PRAMEF14: variants seen among roughly 807,000 people sequenced by gnomAD.
PRAMEF14 encodes the protein PRAME family member 14.
Under a neutral mutation model 38.3 loss-of-function variants are expected in PRAMEF14, and 24 were observed. The observed-to-expected ratio is 0.63, with a 90% CI of 0.45 to 0.88. The LOEUF (loss-of-function observed/expected upper bound fraction) is 0.88, where lower values mean the gene tolerates loss of function less well. Among genes scored for constraint, PRAMEF14 ranks in the 40% least tolerant of loss-of-function variants. The probability of loss-of-function intolerance (pLI) is 0.00; values close to 1 mark genes in which losing one functional copy is unlikely to be tolerated. For synonymous variants in PRAMEF14, 194 were observed against 226.4 expected (o/e 0.86, Z 1.29); for missense variants, 477 against 570.8 (o/e 0.84, Z 1.67).
In PRAMEF14 at chr1:13,342,322, T is replaced by C. The variant is rs1553186758; in HGVS notation, c.*206A>G. 3 of 967,180 alleles carry C rather than the reference T, an allele frequency of 3.1e-6. No homozygotes were observed. The highest frequency in any genetic ancestry group is 2.9e-6 in the Non-Finnish European group (2 of 679,050). The allele number at this position is 967,180 out of a possible 1,614,324, so 59.9% of individuals were successfully genotyped here. A position where few individuals can be genotyped will look rare whatever the true frequency, so the allele number is the denominator to read the frequency against. ...ACTTTAGGAAGCTGAGGCAGGAGGA[T>C]CCCATAAGCCCAGCTGAGGCAGGAG... On this transcript the variant is annotated 3_prime_UTR_variant, in exon 4 of 4. Coordinates refer to ENST00000334600, the MANE Select transcript of PRAMEF14 (RefSeq NM_001024661.2).
chr1:13,343,224 C>G (rs1298700797), intron 3 of PRAMEF14, 138 bp from the exon 4 acceptor site: 2 of 677,240 alleles, frequency 3.0e-6, no homozygotes, highest in Non-Finnish European at 2.5e-6. Flanking sequence ...GAAGTTGCTG[C>G]ATGATGAGGA....
rs1360928027 is a variant in PRAMEF14 at position 13,342,236 on chromosome 1, C to G, written c.*292G>C. The G allele has an allele frequency of 1.4e-5, 7 of 494,760 alleles. No homozygotes were observed. The highest frequency in any genetic ancestry group is 1.0e-5 in the Non-Finnish European group (3 of 289,266). 30.6% of individuals were successfully genotyped at this position (494,760 alleles called of 1,614,324 possible). A position where few individuals can be genotyped will look rare whatever the true frequency, so the allele number is the denominator to read the frequency against. On this transcript the variant is annotated 3_prime_UTR_variant, in exon 4 of 4. Transcript: ENST00000334600. The stretch of plus-strand genomic sequence containing the variant: ...TTTTTTCCCTCACACTGAGCACTTC[C>G]CTGTGCTTCCTTTAAGTTGCATGTG...
At position 13,346,846 on chromosome 1, in the gene PRAMEF14, A is replaced by G. The variant is rs1640410592; in HGVS notation, c.-26+211T>C. Among the ~76,000 whole-genome samples, 3 of 150,640 alleles carry G rather than the reference A, an allele frequency of 2.0e-5. No individual in the cohort carries two copies. The South Asian group carries it at 6.4e-4, about 32-fold the overall frequency. On this transcript the variant is annotated intron_variant, in intron 1 of 3. Coordinates refer to ENST00000334600, the MANE Select transcript of PRAMEF14 (RefSeq NM_001024661.2). ...ATATATTTTTAAAAAACCTGCTTCG[A>G]TAAGAATTTTAAAATGACAAAAACT... is the stretch of plus-strand genomic sequence containing the variant.
Position 13,342,721 on chromosome 1 carries a change from G to A in PRAMEF14, c.1232C>T (p.Thr411Met), listed in dbSNP as rs771089877. 16 of 1,605,186 alleles carry A rather than the reference G, an allele frequency of 1.0e-5. 2 individuals carry two copies. Among genetic ancestry groups the A allele is most frequent in the East Asian group, 4.8e-5 (2 of 41,760 alleles). Reference sequence around the variant, plus strand: ...CAAACTCTCCTCAGGGGCAGGATACGTCTCCAGGCTTAACTTGCTCAGCCC... The same window carrying A: ...CAAACTCTCCTCAGGGGCAGGATACATCTCCAGGCTTAACTTGCTCAGCCC... ...TSGLSKLSLETYPAPEESLNS... is the reference protein window; with the variant it reads ...TSGLSKLSLEMYPAPEESLNS... Residue 411 changes from threonine (T) to methionine (M), a missense_variant, in exon 4 of 4, where the codon ACG (threonine) becomes ATG (methionine). Coordinates refer to ENST00000334600, the MANE Select transcript of PRAMEF14 (RefSeq NM_001024661.2).
Position 13,344,211 on chromosome 1 carries a change from C to T in PRAMEF14, c.693G>A (p.Met231Ile), listed in dbSNP as rs1640370265. The change falls in exon 3 of 4, where the codon ATG (methionine) becomes ATA (isoleucine). Residue 231 changes from methionine to isoleucine, a missense_variant. By Grantham distance (10) the Met-to-Ile change is conservative (BLOSUM62 1). Around this residue, in one of 4 missense-constraint regions of PRAMEF14, gnomAD observed 234 missense variants for 247.4 expected, o/e 0.95. Transcript: ENST00000334600. The stretch of plus-strand genomic sequence containing the variant: ...AGAAAACGAGTTTGCGAAGATTCTT[C>T]ATCTCCTTCAGGTAACAACGAAGCT... ...IRKLRCYLKEMKNLRKLVFSR... is the reference protein window; with the variant it reads ...IRKLRCYLKEIKNLRKLVFSR... The T allele has an allele frequency of 6.2e-7, 1 of 1,608,658 alleles. No individual in the cohort carries two copies. Among genetic ancestry groups the T allele is most frequent in the Non-Finnish European group, 8.5e-7 (1 of 1,178,694 alleles).
chr1:13,342,758 A>G lies in PRAMEF14; in HGVS notation c.1195T>C (p.Cys399Arg), dbSNP rs3125075. ...AACTTGCTCAGCCCACTGGTGTGGC[A>G]CAACAGGTCCTTCAGGGCACCCATA... ...MSMGALKDLL[C>R]HTSGLSKLSL... The change falls in exon 4 of 4, where the codon TGC becomes CGC. Residue 399 changes from cysteine (C) to arginine (R), a missense_variant. Coordinates refer to ENST00000334600, the MANE Select transcript of PRAMEF14 (RefSeq NM_001024661.2). The G allele has an allele frequency of 0.011, 17,712 of 1,603,188 alleles. 1,713 individuals are homozygous for G. The African/African-American group carries it at 0.15, about 13-fold the overall frequency.
chr1:13,345,348 C>A lies in PRAMEF14; in HGVS notation c.-25-9G>T, dbSNP rs1640388108. ...ATCTGCAAGAAAAATCTCTAGAAGA[C>A]AAATCCAGGGAAAATGTATCACTCT... On this transcript the variant is annotated splice_polypyrimidine_tract_variant and intron_variant, in intron 1 of 3. Coordinates refer to ENST00000334600, the MANE Select transcript of PRAMEF14 (RefSeq NM_001024661.2). 48 of 1,602,394 alleles carry A rather than the reference C, an allele frequency of 3.0e-5. 2 individuals carry two copies. The highest frequency in any genetic ancestry group is 2.3e-4 in the Middle Eastern group (1 of 4,414).
rs1557453966 is a variant in PRAMEF14 at position 13,342,872 on chromosome 1, T to A, written c.1081A>T (p.Ile361Phe). ...ATGGCACTGAGTTGGGAGTAGTGGA[T>A]CTGACAGCCCTCCAAGATGAGGGTT... ...LETLILEGCQ[I>F]HYSQLSAILP... The change falls in exon 4 of 4, where the codon ATC becomes TTC. Residue 361 changes from isoleucine (I) to phenylalanine (F), a missense_variant. Physicochemically the swap from Ile to Phe is conservative, Grantham distance 21 (BLOSUM62 0). Coordinates refer to ENST00000334600, the MANE Select transcript of PRAMEF14 (RefSeq NM_001024661.2). The A allele has an allele frequency of 1.2e-6, 2 of 1,609,128 alleles. No individual in the cohort carries two copies. The highest frequency in any genetic ancestry group is 1.7e-6 in the Non-Finnish European group (2 of 1,179,192).
rs1420572641 is a variant in PRAMEF14, at chr1:13,345,432, A to T, written c.-25-93T>A. 5 of 1,390,756 alleles carry T rather than the reference A, an allele frequency of 3.6e-6. No homozygotes were observed. In the African/African-American group the frequency reaches 7.2e-5, roughly 20 times the overall value. 86.2% of individuals were successfully genotyped at this position (1,390,756 alleles called of 1,614,324 possible). On this transcript the variant is annotated intron_variant, in intron 1 of 3. Transcript: ENST00000334600. ...CCAGGAAGAATGTCTTCCAAACACC[A>T]AGGAGGGAGGGGTCAAGGAGACCAC...
At position 13,344,662 on chromosome 1, in the gene PRAMEF14, C is replaced by T. The variant is rs1352151043; in HGVS notation, c.288-46G>A. On this transcript the variant is annotated intron_variant, in intron 2 of 3. Coordinates refer to ENST00000334600, the MANE Select transcript of PRAMEF14 (RefSeq NM_001024661.2). Reference sequence around the variant, plus strand: ...AGACTCAGAATTTAGAAGGACTCATCCCTGACCTTTGCTTTCATTCTCATC... The same window carrying T: ...AGACTCAGAATTTAGAAGGACTCATTCCTGACCTTTGCTTTCATTCTCATC... 4.4e-6 allele frequency: 7 copies of T among 1,602,706 alleles called. No homozygotes were observed. In the African/African-American group the frequency reaches 6.7e-5, roughly 15 times the overall value.
chr1:13,343,745 A>T lies in PRAMEF14; in HGVS notation c.866+293T>A. On this transcript the variant is annotated intron_variant, in intron 3 of 3. Coordinates refer to ENST00000334600, the MANE Select transcript of PRAMEF14 (RefSeq NM_001024661.2). ...ATATCAACTTGAAACACACTTTGTAACAGGAAATTCACACGTGCACCCCCA... is the reference window on the plus strand; with the variant it reads ...ATATCAACTTGAAACACACTTTGTATCAGGAAATTCACACGTGCACCCCCA... 27 of 1,336,988 alleles carry T rather than the reference A, an allele frequency of 2.0e-5. 1 individual carries two copies. Among genetic ancestry groups the T allele is most frequent in the Non-Finnish European group, 2.6e-5 (26 of 1,012,882 alleles). 82.8% of individuals were successfully genotyped at this position (1,336,988 alleles called of 1,614,324 possible).
chr1:13,345,568 CT>C (rs1640391905), intron 1 of PRAMEF14, among the ~76,000 whole-genome samples: 1 of 150,880 alleles, frequency 6.6e-6, no homozygotes, highest in African/African-American at 2.4e-5. Context: ...TTTCTTGTCA[CT>C]TACCACCCTA....
intron 3 of PRAMEF14, chr1:13,343,647 T>C: frequency 5.3e-6 from 7 of 1,330,340 alleles, no homozygotes; most frequent in South Asian, 5.0e-5. Context: ...AGGACAGACG[T>C]TCTATTGTGA....
chr1:13,344,776 G>A, intron 2 of PRAMEF14, 160 bp from the exon 3 acceptor site: 1 of 855,428 alleles, frequency 1.2e-6, no homozygotes, highest in Non-Finnish European at 1.4e-6. Flanking sequence ...TTTTGATTCT[G>A]ACTTTTGATT....
intron 1 of PRAMEF14, 122 bp from the exon 2 acceptor site, chr1:13,345,461 C>T (rs1640389489): frequency 7.6e-6 from 10 of 1,321,834 alleles, no homozygotes; most frequent in East Asian, 2.6e-5. Context: ...AGACCACTGG[C>T]TTATTAATTT....
rs1309341233 is a variant in PRAMEF14 at position 13,343,125 on chromosome 1, A to G, written c.867-39T>C. On this transcript the variant is annotated intron_variant, in intron 3 of 3. Coordinates refer to ENST00000334600, the MANE Select transcript of PRAMEF14 (RefSeq NM_001024661.2). ...GAAGTTAGTTCTGGGCAATGGTACC[A>G]GTTAGATGAAGGTAGTGCCTTCATC... is the stretch of plus-strand genomic sequence containing the variant. 85 of 1,591,166 alleles carry G rather than the reference A, an allele frequency of 5.3e-5. 6 individuals are homozygous for G. The East Asian group carries it at 1.8e-3, about 34-fold the overall frequency.
intron 1 of PRAMEF14, among the ~76,000 whole-genome samples, chr1:13,346,324 A>G (rs1272591731): frequency 2.0e-5 from 3 of 151,340 alleles, no homozygotes; most frequent in African/African-American, 4.8e-5. Context: ...CATGGCCAAC[A>G]TGGCAAAACC....
At position 13,342,652 on chromosome 1, in the gene PRAMEF14, C is replaced by A; in HGVS notation, c.1301G>T (p.Arg434Leu). The A allele has an allele frequency of 6.2e-7, 1 of 1,605,040 alleles. No individual in the cohort carries two copies. The highest frequency in any genetic ancestry group is 8.5e-7 in the Non-Finnish European group (1 of 1,178,034). Residue 434 changes from arginine (R) to leucine (L), a missense_variant, in exon 4 of 4, where the codon CGG becomes CTG. By Grantham distance (102) the Arg-to-Leu change is moderately radical (BLOSUM62 -2). Coordinates refer to ENST00000334600, the MANE Select transcript of PRAMEF14 (RefSeq NM_001024661.2). ...CCTCAGTGTACACATCAGCTCAGCC[C>A]GAAGTAGGGCGAAGATCTCCCAATC... ...RVDWEIFALL[R>L]AELMCTLREV...
intron 3 of PRAMEF14, 126 bp downstream of exon 3, chr1:13,343,912 C>T: frequency 6.6e-7 from 1 of 1,508,328 alleles, no homozygotes; most frequent in Non-Finnish European, 9.0e-7. Flanking sequence ...AATGTGTTGA[C>T]ATTCTGGTGT....
Sources: allele counts gnomAD v4.1 joint callset (sites outside exome capture counted in the v4.1 genomes callset), GRCh38; gene constraint gnomAD v4.1.1; regional missense constraint gnomAD v4.1.1; transcripts MANE v1.5; gene names NCBI Gene and HGNC (gene_info 2026-07-23, HGNC 2026-07-21).